ZNRF3: variants seen among roughly 807,000 people sequenced by gnomAD.
The protein encoded by ZNRF3 is E3 ubiquitin-protein ligase ZNRF3.
In ZNRF3, 23 loss-of-function variants were observed where a neutral mutation model predicts 72.5. The observed-to-expected ratio is 0.32, with a 90% CI of 0.23 to 0.45. ZNRF3 has a LOEUF of 0.45. ZNRF3 is among the 20% of genes least tolerant of loss of function. The pLI is 1.00. For missense variants in ZNRF3, 1,169 were observed against 1,272.1 expected (o/e 0.92, Z 1.23); for synonymous variants, 610 against 545.3 (o/e 1.12, Z -1.65).
chr22:28,939,293 A>AC (rs1042630904), intron 1 of ZNRF3, among the ~76,000 whole-genome samples: 84 of 151,954 alleles, frequency 5.5e-4, no homozygotes, highest in Non-Finnish European at 9.4e-4. Context: ...CAAAAAAAAA[A>AC]AAAAAACAAA....
intron 1 of ZNRF3, among the ~76,000 whole-genome samples, chr22:28,889,389 C>CT (rs918850392): frequency 4.6e-5 from 7 of 152,104 alleles, no homozygotes; most frequent in Admixed American, 6.5e-5. Flanking sequence ...AGGGGAAACT[C>CT]TAATCTAGTA....
intron 8 of ZNRF3, 150 bp downstream of exon 8, chr22:29,051,098 C>A: frequency 1.1e-6 from 1 of 892,344 alleles, no homozygotes; most frequent in Non-Finnish European, 1.6e-6. Flanking sequence ...TACTCCTCAG[C>A]CTGGCCCTCC....
Position 29,049,316 on chromosome 22 carries a change from C to G in ZNRF3, c.1135C>G (p.Pro379Ala). ...CCGCGTGCACAGGACCAACGCCATC[C>G]CAGCCTACCCTACGAGGACAAGCAT... Reference protein sequence around the residue: ...PGRVHRTNAIPAYPTRTSMDS... With the variant: ...PGRVHRTNAIAAYPTRTSMDS... Residue 379 changes from proline (P) to alanine (A), a missense_variant, in exon 8 of 9, where the codon CCA becomes GCA. Pro to Ala is a conservative substitution (Grantham distance 27). This residue lies in a region of ZNRF3 where 386 missense variants were observed against 540.7 expected (regional missense o/e 0.71). Coordinates refer to ENST00000544604, the MANE Select transcript of ZNRF3 (RefSeq NM_001206998.2). This position sits in a 1 kb window ranked among gnomAD's most constrained non-coding sequence, Gnocchi z 5.2. 3.7e-6 allele frequency: 6 copies of G among 1,613,944 alleles called. No homozygotes were observed. The highest frequency in any genetic ancestry group is 5.1e-6 in the Non-Finnish European group (6 of 1,180,024).
intron 1 of ZNRF3, among the ~76,000 whole-genome samples, chr22:28,909,735 C>T (rs1398541545): frequency 2.0e-5 from 3 of 148,756 alleles, no homozygotes; most frequent in Non-Finnish European, 3.0e-5. Context: ...CGCATGCCAC[C>T]ATGCCTGGCT....
chr22:28,907,774 G>A (rs181362155), intron 1 of ZNRF3, among the ~76,000 whole-genome samples: 503 of 152,316 alleles, frequency 3.3e-3, no homozygotes, highest in Non-Finnish European at 5.5e-3. Flanking sequence ...ACAGCGCATG[G>A]TGCAGAGTGG....
At chr22:29,004,151 G>T (rs892125383) in intron 2 of ZNRF3, among the ~76,000 whole-genome samples, 1 of 152,238 alleles carries the variant, frequency 6.6e-6, no homozygotes, top group African/African-American at 2.4e-5. Flanking sequence ...AGCAAGGCCC[G>T]GCTGAGAAGT....
chr22:28,961,513 A>G (rs2035359202), intron 1 of ZNRF3, among the ~76,000 whole-genome samples: 1 of 152,206 alleles, frequency 6.6e-6, no homozygotes, highest in Non-Finnish European at 1.5e-5. Context: ...ACCATGAAGA[A>G]TGGATGGGGC....
At chr22:28,886,621 A>C (rs916732578) in intron 1 of ZNRF3, among the ~76,000 whole-genome samples, 8 of 152,168 alleles carry the variant, frequency 5.3e-5, no homozygotes, top group Non-Finnish European at 1.2e-4. Flanking sequence ...CTGGTGACAC[A>C]GTCTCATTGA....
intron 1 of ZNRF3, among the ~76,000 whole-genome samples, chr22:28,915,109 A>G (rs2034386364): frequency 6.6e-6 from 1 of 152,218 alleles, no homozygotes; most frequent in Non-Finnish European, 1.5e-5. Flanking sequence ...TCTAGAGTAT[A>G]TTAAGTATCC....
chr22:29,056,540 T>A lies in ZNRF3; in HGVS notation c.*2918T>A, dbSNP rs756566455. Reference sequence around the variant, plus strand: ...CTTTGAAGTTGTAAGACTCCACCAATGACAGACACCCTTTTCGGTGGACTC... The same window carrying A: ...CTTTGAAGTTGTAAGACTCCACCAAAGACAGACACCCTTTTCGGTGGACTC... On this transcript the variant is annotated 3_prime_UTR_variant, in exon 9 of 9. Transcript: ENST00000544604. 6.6e-6 allele frequency: 1 copy of A among 152,198 alleles called. No individual in the cohort carries two copies. The highest frequency in any genetic ancestry group is 1.5e-5 in the Non-Finnish European group (1 of 68,034). The allele number at this position is 152,198 out of a possible 1,614,324, so 9.4% of individuals were successfully genotyped here.
Position 29,030,018 on chromosome 22 carries a change from A to G in ZNRF3, c.427-12477A>G, listed in dbSNP as rs548752821. Among the ~76,000 whole-genome samples, 1 of 152,350 alleles carries G rather than the reference A, an allele frequency of 6.6e-6. No homozygotes were observed. The highest frequency in any genetic ancestry group is 2.1e-4 in the South Asian group (1 of 4,832). On this transcript the variant is annotated intron_variant, in intron 2 of 8. Transcript: ENST00000544604. The surrounding 1 kb of genome is among the most constrained non-coding windows in gnomAD (Gnocchi z 4.2). ...GACTTCTGGAAACTCAACCAAGATA[A>G]CGACTTCCAGGTTCTTCCAAAAGCT...
chr22:29,021,783 C>T (rs746219541), intron 2 of ZNRF3, among the ~76,000 whole-genome samples: 10 of 152,092 alleles, frequency 6.6e-5, no homozygotes, highest in African/African-American at 7.2e-5. Context: ...CCACCGTGCC[C>T]GGCCTTGTTT....
chr22:28,952,438 C>T (rs1485545462), intron 1 of ZNRF3, among the ~76,000 whole-genome samples: 1 of 151,410 alleles, frequency 6.6e-6, no homozygotes, highest in East Asian at 1.9e-4. Context: ...ATGTTTGAAC[C>T]TCCCTTTATC....
intron 1 of ZNRF3, among the ~76,000 whole-genome samples, chr22:28,895,490 A>T (rs541375391): frequency 7.9e-5 from 12 of 151,958 alleles, no homozygotes; most frequent in East Asian, 5.8e-4. Context: ...CCACGATGAA[A>T]CCCCGTCTCT....
chr22:28,939,218 A>G (rs1362080045), intron 1 of ZNRF3, among the ~76,000 whole-genome samples: 2 of 147,284 alleles, frequency 1.4e-5, no homozygotes, highest in Non-Finnish European at 3.0e-5. Flanking sequence ...TGGGAGGCGG[A>G]GGTAGCAGTG....
intron 1 of ZNRF3, among the ~76,000 whole-genome samples, chr22:28,921,218 C>A (rs2034505928): frequency 6.6e-6 from 1 of 152,096 alleles, no homozygotes; most frequent in Non-Finnish European, 1.5e-5. Context: ...TGGGAAGCCC[C>A]CCCCACCCCT....
At chr22:29,024,221 C>T (rs962007557) in intron 2 of ZNRF3, among the ~76,000 whole-genome samples, 1 of 151,552 alleles carries the variant, frequency 6.6e-6, no homozygotes, top group Non-Finnish European at 1.5e-5. Context: ...GGCCCAACTC[C>T]ACCTTTCTGT....
At chr22:28,913,463 G>A (rs2034354989) in intron 1 of ZNRF3, among the ~76,000 whole-genome samples, 1 of 152,170 alleles carries the variant, frequency 6.6e-6, no homozygotes, top group African/African-American at 2.4e-5. Flanking sequence ...CACTGGTTCA[G>A]TTGGTGTCCT....
intron 2 of ZNRF3, among the ~76,000 whole-genome samples, chr22:28,994,178 T>C (rs999953933): frequency 5.8e-5 from 1 of 17,376 alleles, no homozygotes; most frequent in Non-Finnish European, 1.7e-4. Context: ...GTTCCTTTCT[T>C]TTTTTTTTTT....
Sources: allele counts gnomAD v4.1 joint callset (sites outside exome capture counted in the v4.1 genomes callset), GRCh38; gene constraint gnomAD v4.1.1; regional missense constraint gnomAD v4.1.1; non-coding constraint Gnocchi (gnomAD v3.1); transcripts MANE v1.5; gene names NCBI Gene and HGNC (gene_info 2026-07-23, HGNC 2026-07-21).